The following KLHL32 variants were observed in gnomAD, a reference collection of about 807,000 sequenced individuals.
The protein encoded by KLHL32 is kelch like family member 32, also known as kelch-like protein 32.
KLHL32 carries 35 observed loss-of-function variants against 64.8 expected under a neutral mutation model. The observed-to-expected ratio is 0.54, with a 90% confidence interval of 0.41 to 0.72. KLHL32 has a LOEUF of 0.72. KLHL32 is among the 30% of genes least tolerant of loss of function. The pLI, the probability that KLHL32 is intolerant of heterozygous loss-of-function variation, is 0.00. For missense variants in KLHL32, 589 were observed against 768.5 expected (o/e 0.77, Z 2.76); for synonymous variants, 259 against 281.0 (o/e 0.92, Z 0.78).
intron 3 of KLHL32, among the ~76,000 whole-genome samples, chr6:97,019,347 G>A (rs1460179480): frequency 6.6e-6 from 1 of 152,224 alleles, no homozygotes; most frequent in Admixed American, 6.5e-5. Context: ...AAAGAAGGCA[G>A]GAAGGAGAAG....
intron 10 of KLHL32, among the ~76,000 whole-genome samples, chr6:97,133,595 T>C (rs1799670389): frequency 6.6e-6 from 1 of 152,240 alleles, no homozygotes; most frequent in Admixed American, 6.5e-5. Flanking sequence ...TACATATATT[T>C]TGAAGAAAAT....
intron 5 of KLHL32, among the ~76,000 whole-genome samples, chr6:97,072,100 T>C (rs1192115617): frequency 6.6e-6 from 1 of 152,170 alleles, no homozygotes; most frequent in African/African-American, 2.4e-5. Flanking sequence ...ACATGACCTC[T>C]CTGAGTGTGA....
intron 6 of KLHL32, among the ~76,000 whole-genome samples, chr6:97,089,412 GT>G (rs1477061523): frequency 2.0e-5 from 3 of 152,234 alleles, no homozygotes; most frequent in African/African-American, 7.2e-5. Context: ...TGAGTGGGAA[GT>G]TTTGTTTTCC....
chr6:96,901,004 C>T, the KLHL32 span, among the ~76,000 whole-genome samples: 4 of 152,192 alleles, frequency 2.6e-5, no homozygotes, highest in South Asian at 2.1e-4. Context: ...ATACTGGGAG[C>T]GGGGGGTAGT....
At position 97,132,702 on chromosome 6, in the gene KLHL32, T is replaced by C; in HGVS notation, c.1656T>C (p.Val552=). 3 of 1,613,486 alleles carry C rather than the reference T, an allele frequency of 1.9e-6. No homozygotes were observed. The highest frequency in any genetic ancestry group is 2.5e-6 in the Non-Finnish European group (3 of 1,179,670). ...VAVHNGRIYL[V]GGYSIWTNEP... is the part of the protein sequence containing the mutation. ...TCCATAATGGGAGAATATATTTAGT[T>C]GGTGGATATTCAATTTGGACAAATG... is the stretch of plus-strand genomic sequence containing the variant. Residue 552 remains valine, a synonymous_variant, in exon 10 of 11, where the codon GTT becomes GTC. Transcript: ENST00000369261.
intron 6 of KLHL32, among the ~76,000 whole-genome samples, chr6:97,092,136 T>C (rs947032083): frequency 2.0e-5 from 3 of 152,154 alleles, no homozygotes; most frequent in South Asian, 2.1e-4. Flanking sequence ...ATTACAGGCA[T>C]GTGCCACACA....
intron 5 of KLHL32, among the ~76,000 whole-genome samples, chr6:97,078,522 T>G: frequency 6.6e-6 from 1 of 152,204 alleles, no homozygotes; most frequent in South Asian, 2.1e-4. Context: ...CCTATTCAAT[T>G]TGGACATCTT....
At chr6:97,137,056 C>A (rs968174781) in intron 10 of KLHL32, among the ~76,000 whole-genome samples, 2 of 152,100 alleles carry the variant, frequency 1.3e-5, no homozygotes, top group East Asian at 3.9e-4. Flanking sequence ...CAATACTTAA[C>A]CTTATAGAGT....
At chr6:97,127,122 G>A (rs937939202) in intron 7 of KLHL32, among the ~76,000 whole-genome samples, 4 of 152,280 alleles carry the variant, frequency 2.6e-5, no homozygotes, top group East Asian at 1.9e-4. Flanking sequence ...CTAATACTTT[G>A]CCCCTCATTC....
At chr6:97,112,902 A>C (rs182386599) in intron 6 of KLHL32, among the ~76,000 whole-genome samples, 2,122 of 150,634 alleles carry the variant, frequency 0.014, 43 homozygotes, top group African/African-American at 0.049. Context: ...TTAAACAATA[A>C]TTTTTATTAT....
intron 7 of KLHL32, among the ~76,000 whole-genome samples, chr6:97,114,918 C>T (rs1294457634): frequency 6.6e-6 from 1 of 152,126 alleles, no homozygotes; most frequent in East Asian, 1.9e-4. Flanking sequence ...AAGTATAAGC[C>T]CAGTTAATCC....
intron 4 of KLHL32, among the ~76,000 whole-genome samples, chr6:97,052,037 A>G: frequency 6.6e-6 from 1 of 152,224 alleles, no homozygotes; most frequent in East Asian, 1.9e-4. Flanking sequence ...CTATCCTAAA[A>G]TGAAATTCCT....
chr6:96,940,006 A>G (rs1367153799), intron 1 of KLHL32, among the ~76,000 whole-genome samples: 1 of 152,102 alleles, frequency 6.6e-6, no homozygotes, highest in Non-Finnish European at 1.5e-5. Context: ...GGGTGAGGGA[A>G]GAGAAACCTG....
chr6:97,102,887 A>G (rs192638430), intron 6 of KLHL32, among the ~76,000 whole-genome samples: 153 of 152,144 alleles, frequency 1.0e-3, no homozygotes, highest in Non-Finnish European at 1.8e-3. Flanking sequence ...GGTTTCTTAT[A>G]TAGGTAAACT....
chr6:97,133,246 C>T (rs1204390947), intron 10 of KLHL32, among the ~76,000 whole-genome samples: 1 of 152,212 alleles, frequency 6.6e-6, no homozygotes, highest in Non-Finnish European at 1.5e-5. Context: ...AAAGAATAGC[C>T]CTGGTGCATC....
chr6:97,006,143 G>A (rs1779634842), intron 3 of KLHL32, among the ~76,000 whole-genome samples: 1 of 151,960 alleles, frequency 6.6e-6, no homozygotes, highest in South Asian at 2.1e-4. Context: ...AGTTATCTAG[G>A]TCTCTTCATA....
the KLHL32 span, chr6:96,914,737 A>T: frequency 6.6e-6 from 1 of 151,564 alleles, no homozygotes; most frequent in Non-Finnish European, 1.5e-5. Flanking sequence ...GCTGGAGTGC[A>T]TTGGCTATTT....
At chr6:96,918,955 C>T in the KLHL32 span, among the ~76,000 whole-genome samples, 1 of 152,178 alleles carries the variant, frequency 6.6e-6, no homozygotes, top group Non-Finnish European at 1.5e-5. Flanking sequence ...GCATCCCTTT[C>T]CCTTATGGAG....
chr6:97,093,024 T>C (rs1237085941), intron 6 of KLHL32, among the ~76,000 whole-genome samples: 1 of 152,230 alleles, frequency 6.6e-6, no homozygotes, highest in African/African-American at 2.4e-5. Flanking sequence ...ATATGACATA[T>C]TTATGTTCTC....
Sources: allele counts gnomAD v4.1 joint callset (sites outside exome capture counted in the v4.1 genomes callset), GRCh38; gene constraint gnomAD v4.1.1; transcripts MANE v1.5; gene names NCBI Gene and HGNC (gene_info 2026-07-23, HGNC 2026-07-21).